Variants in TMEM63C observed in about 807,000 individuals in gnomAD.
TMEM63C encodes osmosensitive cation channel TMEM63C.
A neutral mutation model predicts 99.2 loss-of-function variants in TMEM63C; 32 were observed. The observed-to-expected ratio is 0.32, with a 90% CI of 0.24 to 0.43. The LOEUF (loss-of-function observed/expected upper bound fraction) is 0.43. Ranked by LOEUF, TMEM63C falls within the 20% of genes least tolerant of loss-of-function variation. TMEM63C has a pLI of 1.00. For missense variants in TMEM63C, 826 were observed against 1,053.0 expected (o/e 0.78, Z 2.98); for synonymous variants, 376 against 397.9 (o/e 0.94, Z 0.66).
intron 1 of TMEM63C, among the ~76,000 whole-genome samples, chr14:77,200,504 G>T (rs1406010511): frequency 6.6e-6 from 1 of 152,212 alleles, no homozygotes; most frequent in East Asian, 1.9e-4. Context: ...CACAGCCTCT[G>T]CCATCTGCCT....
At chr14:77,194,104 G>C (rs1005828158) in intron 1 of TMEM63C, among the ~76,000 whole-genome samples, 1 of 152,208 alleles carries the variant, frequency 6.6e-6, no homozygotes, top group African/African-American at 2.4e-5. Context: ...AGCTTTGCTT[G>C]TGCAGCAAAA....
chr14:77,196,956 C>T lies in TMEM63C; in HGVS notation c.-77+15062C>T, dbSNP rs371000175. ...CCACCTTCCCAGTTACCTCCAGCAA[C>T]TCCTCCCCACTTTGCAAAAGGAACA... On this transcript the variant is annotated intron_variant, in intron 1 of 23. Transcript: ENST00000298351. Among the ~76,000 whole-genome samples, 391 of 152,296 alleles carry T rather than the reference C, an allele frequency of 2.6e-3. 5 individuals carry two copies. Among genetic ancestry groups the T allele is most frequent in the African/African-American group, 8.8e-3 (366 of 41,562 alleles).
intron 7 of TMEM63C, among the ~76,000 whole-genome samples, chr14:77,232,298 A>T (rs1888957262): frequency 6.6e-6 from 1 of 151,990 alleles, no homozygotes; most frequent in Admixed American, 6.6e-5. Context: ...TATTTATTTA[A>T]TTTATTGAGA....
At position 77,240,497 on chromosome 14, in the gene TMEM63C, G is replaced by A; in HGVS notation, c.953G>A (p.Ser318Asn). The A allele has an allele frequency of 6.2e-7, 1 of 1,610,974 alleles. No homozygotes were observed. Among genetic ancestry groups the A allele is most frequent in the Non-Finnish European group, 8.5e-7 (1 of 1,179,762 alleles). ...CAGGTGGATGCAGAGCAGTATTACA[G>A]CGAGCTAGAGGAGCAGCTAACGGAC... ...FKEVDAEQYY[S>N]ELEEQLTDEF... Residue 318 changes from serine (S) to asparagine (N), a missense_variant, in exon 13 of 24, where the codon AGC (serine) becomes AAC (asparagine). Transcript: ENST00000298351.
intron 7 of TMEM63C, among the ~76,000 whole-genome samples, chr14:77,232,326 T>C (rs11159253): frequency 0.46 from 69,675 of 151,826 alleles, 17,974 homozygotes; most frequent in African/African-American, 0.68. Context: ...TTGCTATTGT[T>C]GCCCAGGCTG....
intron 6 of TMEM63C, among the ~76,000 whole-genome samples, chr14:77,226,542 G>A (rs1205238963): frequency 1.3e-5 from 2 of 152,124 alleles, no homozygotes; most frequent in Non-Finnish European, 2.9e-5. Context: ...AATTCCAACT[G>A]GAAAAGTATA....
At chr14:77,204,670 C>T (rs1315855884) in intron 1 of TMEM63C, among the ~76,000 whole-genome samples, 1 of 152,222 alleles carries the variant, frequency 6.6e-6, no homozygotes, top group Non-Finnish European at 1.5e-5. Context: ...CCGTAAACAA[C>T]ATCGAATGTA....
intron 13 of TMEM63C, among the ~76,000 whole-genome samples, chr14:77,240,931 CTTTTTTTTT>C (rs575279817): frequency 7.8e-6 from 1 of 128,482 alleles, no homozygotes; most frequent in African/African-American, 3.1e-5. Flanking sequence ...TTCCCTTTTT[CTTTTTTTTT>C]TTTTTTCTTT....
intron 5 of TMEM63C, 141 bp from the exon 6 acceptor site, chr14:77,225,283 G>A: frequency 1.7e-6 from 1 of 575,742 alleles, no homozygotes; most frequent in Non-Finnish European, 2.9e-6. Flanking sequence ...TCCCAGCTGA[G>A]CCTTCAGACT....
At chr14:77,251,452 G>A (rs983593343) in intron 21 of TMEM63C, among the ~76,000 whole-genome samples, 2 of 152,198 alleles carry the variant, frequency 1.3e-5, no homozygotes, top group East Asian at 1.9e-4. Flanking sequence ...CAGAGATGGC[G>A]TTGGGGGCAC....
intron 20 of TMEM63C, 93 bp from the exon 21 acceptor site, chr14:77,249,198 T>C: frequency 1.5e-6 from 2 of 1,348,850 alleles, no homozygotes; most frequent in Non-Finnish European, 2.1e-6. Context: ...CTGACAGCCG[T>C]GGATCTGGCT....
Position 77,244,429 on chromosome 14 carries a change from C to A in TMEM63C, c.1422C>A (p.Ser474=). 1.2e-6 allele frequency: 2 copies of A among 1,613,922 alleles called. No homozygotes were observed. The highest frequency in any genetic ancestry group is 1.7e-6 in the Non-Finnish European group (2 of 1,179,862). The change falls in exon 16 of 24, where the codon TCC becomes TCA. Residue 474 remains serine, a synonymous_variant. Coordinates refer to ENST00000298351, the MANE Select transcript of TMEM63C (RefSeq NM_020431.4). ...TACTGCCTCTGATTGTCTACTTCTC[C>A]GCCTTCCTCGAGGCCCACTGGACCA... ...TVILPLIVYF[S]AFLEAHWTRS...
rs542066065 is a variant in TMEM63C, at chr14:77,240,045, A to C, written c.930+319A>C. Among the ~76,000 whole-genome samples, 5 of 152,272 alleles carry C rather than the reference A, an allele frequency of 3.3e-5. No homozygotes were observed. In the South Asian group the frequency reaches 1.0e-3, roughly 32 times the overall value. On this transcript the variant is annotated intron_variant, in intron 12 of 23. Transcript: ENST00000298351. ...TGCCAGGCCTCAGGCTCCCAAAGAG[A>C]TAGGACAGAAACATTTGAAGGCAAC...
chr14:77,243,163 T>A, intron 15 of TMEM63C, 107 bp downstream of exon 15: 1 of 1,327,394 alleles, frequency 7.5e-7, no homozygotes, highest in Non-Finnish European at 1.0e-6. Context: ...GTGGAGCCCA[T>A]ACAGTGCGAA....
At chr14:77,239,366 T>C in intron 10 of TMEM63C, 46 bp from the exon 11 acceptor site, 2 of 1,596,860 alleles carry the variant, frequency 1.3e-6, no homozygotes, top group Non-Finnish European at 1.7e-6. Flanking sequence ...GGGCAGCACA[T>C]CCCCAACCCC....
chr14:77,231,427 G>A (rs565306936), intron 6 of TMEM63C, among the ~76,000 whole-genome samples, 161 bp from the exon 7 acceptor site: 31 of 151,918 alleles, frequency 2.0e-4, no homozygotes, highest in African/African-American at 7.5e-4. Context: ...GAGATATAGG[G>A]CAATTTCGAA....
At chr14:77,197,962 G>A (rs930003333) in intron 1 of TMEM63C, among the ~76,000 whole-genome samples, 2 of 152,206 alleles carry the variant, frequency 1.3e-5, no homozygotes, top group African/African-American at 4.8e-5. Flanking sequence ...GGCCAGGAGC[G>A]GACCTGGATC....
chr14:77,225,917 C>T lies in TMEM63C; in HGVS notation c.350+456C>T, dbSNP rs527612406. 6.0e-4 allele frequency among the ~76,000 whole-genome samples: 91 copies of T among 152,158 alleles called. No individual in the cohort carries two copies. The South Asian group carries it at 0.018, about 29-fold the overall frequency. On this transcript the variant is annotated intron_variant, in intron 6 of 23. Coordinates refer to ENST00000298351, the MANE Select transcript of TMEM63C (RefSeq NM_020431.4). ...GAGCAGAGGGGCAGCCCTTGCCCAC[C>T]TCACCTTGTGGGTTTCTTGAATGCC...
intron 5 of TMEM63C, among the ~76,000 whole-genome samples, chr14:77,221,165 T>C (rs184910987): frequency 0.12 from 29 of 250 alleles, 12 homozygotes; most frequent in African/African-American, 0.68. Flanking sequence ...CTCCCACTCA[T>C]GCCCCACCTC....
Sources: gnomAD v4.1 joint callset for allele counts (sites outside exome capture counted in the v4.1 genomes callset) on GRCh38, gnomAD v4.1.1 for gene constraint, MANE v1.5 for transcripts, NCBI Gene and HGNC (gene_info 2026-07-23, HGNC 2026-07-21) for gene names.